The following TTC27 variants were observed in gnomAD, a reference collection of about 807,000 sequenced individuals.
TTC27 encodes the protein tetratricopeptide repeat protein 27.
Under a neutral mutation model 115.9 loss-of-function variants are expected in TTC27, and 79 were observed. The observed-to-expected ratio is 0.68, with a 90% CI of 0.57 to 0.82. The LOEUF is 0.82. TTC27 is among the 40% of genes least tolerant of loss of function. TTC27 has a pLI of 0.00. For synonymous variants in TTC27, 401 were observed against 356.0 expected (o/e 1.13, Z -1.42); for missense variants, 1,054 against 993.1 (o/e 1.06, Z -0.82).
intron 12 of TTC27, among the ~76,000 whole-genome samples, chr2:32,748,501 A>G (rs1351554914): frequency 6.6e-6 from 1 of 152,112 alleles, no homozygotes; most frequent in African/African-American, 2.4e-5. Flanking sequence ...TATTCTGTCC[A>G]TTTTTAAAAG....
Position 32,640,302 on chromosome 2 carries a change from G to A in TTC27, c.429G>A (p.Leu143=). ...VKGLDAFVLS[L]LTLDGESIYS... ...GACTGGATGCATTTGTTCTGAGCCT[G>A]CTCACTCTAGATGGTGAATCAATCT... is the stretch of plus-strand genomic sequence containing the variant. Residue 143 remains leucine (L), a synonymous_variant, in exon 4 of 20, where the codon CTG becomes CTA. Transcript: ENST00000317907. 1 of 1,614,010 alleles carries A rather than the reference G, an allele frequency of 6.2e-7. No homozygotes were observed. Among genetic ancestry groups the A allele is most frequent in the South Asian group, 1.1e-5 (1 of 91,070 alleles).
chr2:32,759,960 T>C (rs1019619848), intron 13 of TTC27, among the ~76,000 whole-genome samples: 2 of 152,248 alleles, frequency 1.3e-5, no homozygotes, highest in African/African-American at 2.4e-5. Context: ...TTCCATTTTA[T>C]GTACATACTT....
chr2:32,760,934 C>T (rs906496225), intron 13 of TTC27, among the ~76,000 whole-genome samples: 2 of 152,164 alleles, frequency 1.3e-5, no homozygotes, highest in Non-Finnish European at 2.9e-5. Flanking sequence ...AAGGCTTAGT[C>T]CTTGGACCTT....
chr2:32,808,716 C>A (rs1271426303), intron 16 of TTC27, among the ~76,000 whole-genome samples: 2 of 152,160 alleles, frequency 1.3e-5, no homozygotes, highest in Non-Finnish European at 2.9e-5. Flanking sequence ...GCTGTCTCTC[C>A]CCACATCGTC....
chr2:32,750,718 AT>A (rs1668981503), intron 12 of TTC27, among the ~76,000 whole-genome samples: 1 of 152,246 alleles, frequency 6.6e-6, no homozygotes, highest in Admixed American at 6.5e-5. Flanking sequence ...TTCTTACAAC[AT>A]ATAAAGTTAA....
chr2:32,679,035 G>T, intron 9 of TTC27, 113 bp downstream of exon 9: 2 of 857,030 alleles, frequency 2.3e-6, no homozygotes, highest in East Asian at 5.3e-5. Flanking sequence ...AAGGAAATAA[G>T]GTGGAGAAAA....
At chr2:32,665,021 A>G (rs952504649) in intron 6 of TTC27, among the ~76,000 whole-genome samples, 9 of 148,034 alleles carry the variant, frequency 6.1e-5, no homozygotes, top group Admixed American at 1.3e-4. Context: ...TTTTTTTTGT[A>G]TTTTTAGTAG....
intron 8 of TTC27, among the ~76,000 whole-genome samples, chr2:32,674,599 ACAGAGTTCTGTTTCT>A (rs1666129771): frequency 1.3e-5 from 2 of 152,002 alleles, no homozygotes; most frequent in Non-Finnish European, 2.9e-5. Context: ...GATCACACAT[ACAGAGTTCTGTTTCT>A]AAAGCCAAAG....
intron 12 of TTC27, among the ~76,000 whole-genome samples, chr2:32,757,630 AT>A (rs572766854): frequency 7.3e-5 from 11 of 151,174 alleles, no homozygotes; most frequent in African/African-American, 1.9e-4. Flanking sequence ...AGCTGTGCAC[AT>A]TTTTTTTTAG....
At chr2:32,773,359 C>T (rs1447618062) in intron 13 of TTC27, among the ~76,000 whole-genome samples, 1 of 152,206 alleles carries the variant, frequency 6.6e-6, no homozygotes, top group Admixed American at 6.5e-5. Context: ...TTTTGTCCAC[C>T]TGACTAGCCC....
intron 15 of TTC27, among the ~76,000 whole-genome samples, 179 bp downstream of exon 15, chr2:32,782,857 TAC>T (rs751641266): frequency 1.8e-4 from 27 of 152,222 alleles, no homozygotes; most frequent in Admixed American, 3.9e-4. Flanking sequence ...ATTCTAAATA[TAC>T]AGTTTATTTC....
chr2:32,683,926 T>C (rs1236059274), intron 9 of TTC27, among the ~76,000 whole-genome samples: 1 of 151,966 alleles, frequency 6.6e-6, no homozygotes, highest in East Asian at 1.9e-4. Flanking sequence ...GAGGCCAAGG[T>C]GGGCAGATCA....
chr2:32,707,885 G>C (rs1302148978), intron 10 of TTC27, among the ~76,000 whole-genome samples: 1 of 151,976 alleles, frequency 6.6e-6, no homozygotes, highest in Non-Finnish European at 1.5e-5. Context: ...CTGGTTTTAG[G>C]ATTGGGGCAG....
At chr2:32,773,685 T>C (rs559686081) in intron 13 of TTC27, among the ~76,000 whole-genome samples, 1 of 152,342 alleles carries the variant, frequency 6.6e-6, no homozygotes, top group African/African-American at 2.4e-5. Context: ...GCATGAGTAA[T>C]GTGTGGAAAG....
intron 13 of TTC27, among the ~76,000 whole-genome samples, chr2:32,773,834 G>GT (rs1386982637): frequency 1.3e-5 from 2 of 152,196 alleles, no homozygotes; most frequent in African/African-American, 4.8e-5. Flanking sequence ...AAAGGAGCTA[G>GT]TTTTTTATTG....
At chr2:32,633,726 A>C in intron 2 of TTC27, 150 bp from the exon 3 acceptor site, 1 of 917,616 alleles carries the variant, frequency 1.1e-6, no homozygotes, top group African/African-American at 1.7e-5. Flanking sequence ...TTTAAGTTTT[A>C]GAAATTTTTT....
chr2:32,778,709 T>A (rs1402097422), intron 14 of TTC27, among the ~76,000 whole-genome samples: 8 of 152,260 alleles, frequency 5.3e-5, no homozygotes, highest in Non-Finnish European at 2.9e-5. Flanking sequence ...TTCCATTGTG[T>A]GGGTATATCA....
intron 16 of TTC27, among the ~76,000 whole-genome samples, chr2:32,808,531 C>T (rs1324975563): frequency 6.6e-6 from 1 of 152,226 alleles, no homozygotes; most frequent in African/African-American, 2.4e-5. Context: ...GTTCTATCCC[C>T]TGTCTACCCC....
chr2:32,695,080 A>G (rs1470594143), intron 9 of TTC27, among the ~76,000 whole-genome samples: 1 of 152,178 alleles, frequency 6.6e-6, no homozygotes, highest in Admixed American at 6.5e-5. Flanking sequence ...TTTTAAGGGT[A>G]CAGTTCAGTG....
Sources: gnomAD v4.1 joint callset for allele counts (sites outside exome capture counted in the v4.1 genomes callset) on GRCh38, gnomAD v4.1.1 for gene constraint, MANE v1.5 for transcripts, NCBI Gene and HGNC (gene_info 2026-07-23, HGNC 2026-07-21) for gene names.